ABCG1: variants seen among roughly 807,000 people sequenced by gnomAD.
The protein encoded by ABCG1 is ATP binding cassette subfamily G member 1.
Under a neutral mutation model 69.2 loss-of-function variants are expected in ABCG1, and 29 were observed. The observed-to-expected ratio is 0.42, with a 90% CI of 0.31 to 0.57. The LOEUF is 0.57. Ranked by LOEUF, ABCG1 falls within the 20% of genes least tolerant of loss-of-function variation. The pLI is 0.15. For synonymous variants in ABCG1, 370 were observed against 374.8 expected (o/e 0.99, Z 0.15); for missense variants, 718 against 898.1 (o/e 0.80, Z 2.56).
intron 2 of ABCG1, among the ~76,000 whole-genome samples, chr21:42,249,778 G>A (rs1002554416): frequency 2.0e-5 from 3 of 152,166 alleles, no homozygotes; most frequent in Admixed American, 2.0e-4. Flanking sequence ...GGCTGAGGCA[G>A]GCAGATCACC....
intron 2 of ABCG1, among the ~76,000 whole-genome samples, chr21:42,253,785 G>A (rs1264666013): frequency 6.6e-6 from 1 of 152,134 alleles, no homozygotes; most frequent in African/African-American, 2.4e-5. Context: ...TTATTGTTGG[G>A]ATTATAGGGA....
chr21:42,256,448 G>A (rs750180715), intron 2 of ABCG1: 181 of 1,549,222 alleles, frequency 1.2e-4, no homozygotes, highest in Middle Eastern at 1.7e-4. Context: ...TCCAGAGGCC[G>A]CAGAGTATCC....
chr21:42,287,886 C>A lies in ABCG1; in HGVS notation c.974-3C>A, dbSNP rs758346929. 8 of 1,567,256 alleles carry A rather than the reference C, an allele frequency of 5.1e-6. No individual in the cohort carries two copies. The highest frequency in any genetic ancestry group is 6.9e-6 in the Non-Finnish European group (8 of 1,153,962). On this transcript the variant is annotated splice_region_variant and splice_polypyrimidine_tract_variant and intron_variant, in intron 8 of 14. Coordinates refer to ENST00000398449, the MANE Select transcript of ABCG1 (RefSeq NM_016818.3). The surrounding 1 kb of genome is among the most constrained non-coding windows in gnomAD (Gnocchi z 6.2). ...GGCTGACCCCCGTCTGTGTCTCCTGCAGTCATGGAGGTTGCATCCGGCGAG... is the reference window on the plus strand; with the variant it reads ...GGCTGACCCCCGTCTGTGTCTCCTGAAGTCATGGAGGTTGCATCCGGCGAG...
At chr21:42,233,636 C>A (rs1487972929) in intron 2 of ABCG1, among the ~76,000 whole-genome samples, 1 of 152,218 alleles carries the variant, frequency 6.6e-6, no homozygotes, top group Admixed American at 6.5e-5. Flanking sequence ...AAGTACAGAA[C>A]AATAACCAAA....
At chr21:42,266,465 G>C (rs2068507485) in intron 2 of ABCG1, among the ~76,000 whole-genome samples, 1 of 152,142 alleles carries the variant, frequency 6.6e-6, no homozygotes. Context: ...TCTCTCCCAA[G>C]TATGCATCAT....
At position 42,291,333 on chromosome 21, in the gene ABCG1, C is replaced by A; in HGVS notation, c.1494+141C>A. 1 of 1,189,122 alleles carries A rather than the reference C, an allele frequency of 8.4e-7. No individual in the cohort carries two copies. Among genetic ancestry groups the A allele is most frequent in the Non-Finnish European group, 1.2e-6 (1 of 836,728 alleles). 73.7% of individuals were successfully genotyped at this position (1,189,122 alleles called of 1,614,324 possible). On this transcript the variant is annotated intron_variant, in intron 12 of 14. Coordinates refer to ENST00000398449, the MANE Select transcript of ABCG1 (RefSeq NM_016818.3). The surrounding 1 kb of genome is among the most constrained non-coding windows in gnomAD (Gnocchi z 6.4). ...CTCTGGTGGGAGCTGCGGGGAAGGG[C>A]CTGACTTCGGGAGCTGTGGCGGGAG... is the stretch of plus-strand genomic sequence containing the variant.
chr21:42,268,241 AGGGGT>A (rs2068549458), intron 2 of ABCG1, among the ~76,000 whole-genome samples: 1 of 152,120 alleles, frequency 6.6e-6, no homozygotes, highest in Non-Finnish European at 1.5e-5. Flanking sequence ...AGCAGAGCTC[AGGGGT>A]GGGAAAGTAG....
intron 4 of ABCG1, among the ~76,000 whole-genome samples, chr21:42,275,806 T>C (rs1169442227): frequency 6.6e-6 from 1 of 152,268 alleles, no homozygotes; most frequent in East Asian, 1.9e-4. Flanking sequence ...CTCAAGGTCC[T>C]GTCTCACACG....
chr21:42,201,631 A>G (rs777868655), exon 2 of ABCG1: 1 of 1,586,648 alleles, frequency 6.3e-7, no homozygotes, highest in South Asian at 1.1e-5. Flanking sequence ...CCCCGTGCTC[A>G]GCAGACATCA....
intron 2 of ABCG1, among the ~76,000 whole-genome samples, chr21:42,268,405 T>C (rs55946253): frequency 0.082 from 10,751 of 131,892 alleles, 1,259 homozygotes; most frequent in African/African-American, 0.28. Context: ...GCGCGCTGGA[T>C]ACTCAGGAAA....
intron 1 of ABCG1, among the ~76,000 whole-genome samples, chr21:42,223,091 G>T (rs890083293): frequency 2.6e-5 from 4 of 152,148 alleles, no homozygotes; most frequent in African/African-American, 4.8e-5. Context: ...TGGGGACCTT[G>T]TTTGCCCCTC....
At chr21:42,271,262 C>T (rs1437151991) in intron 3 of ABCG1, 75 bp downstream of exon 3, 1 of 895,620 alleles carries the variant, frequency 1.1e-6, no homozygotes. Flanking sequence ...GAGCTCCTTC[C>T]ATCAGCCCCA....
chr21:42,217,645 C>T (rs544752742), upstream of ABCG1, among the ~76,000 whole-genome samples: 3 of 145,022 alleles, frequency 2.1e-5, no homozygotes, highest in African/African-American at 7.7e-5. Context: ...TTCCTCATTT[C>T]AGCCAAGTGT....
rs563611603 is a variant in ABCG1, at chr21:42,286,853, G to A, written c.973+859G>A. On this transcript the variant is annotated intron_variant, in intron 8 of 14. Coordinates refer to ENST00000398449, the MANE Select transcript of ABCG1 (RefSeq NM_016818.3). ...ATGTCGTCTGACCAGAGAGCGGGAG[G>A]TGAGGGGAGTGTGGCCCACTGTTGA... Among the ~76,000 whole-genome samples the A allele has an allele frequency of 1.2e-4, 19 of 152,332 alleles. 1 individual carries two copies. The South Asian group carries it at 3.7e-3, about 30-fold the overall frequency.
chr21:42,275,423 G>A (rs113415793), intron 4 of ABCG1, among the ~76,000 whole-genome samples: 3,566 of 152,326 alleles, frequency 0.023, 145 homozygotes, highest in African/African-American at 0.081. Context: ...TTGGCGAACA[G>A]ATGCTGCAAA....
At chr21:42,265,389 T>A (rs1381217900) in intron 2 of ABCG1, among the ~76,000 whole-genome samples, 1 of 152,088 alleles carries the variant, frequency 6.6e-6, no homozygotes. Flanking sequence ...TAAGATGAGG[T>A]CATGCTGAAG....
At chr21:42,218,858 G>C (rs1296657354), upstream of ABCG1, among the ~76,000 whole-genome samples, 1 of 152,190 alleles carries the variant, frequency 6.6e-6, no homozygotes, top group Non-Finnish European at 1.5e-5. Flanking sequence ...GAACCCCGGC[G>C]TCTGTCCGGT....
intron 2 of ABCG1, among the ~76,000 whole-genome samples, chr21:42,203,650 G>A (rs1307980103): frequency 1.3e-5 from 2 of 152,124 alleles, no homozygotes; most frequent in Non-Finnish European, 2.9e-5. Flanking sequence ...CTGGATTATT[G>A]TAGCTATAAA....
chr21:42,292,524 A>G (rs898763041), intron 13 of ABCG1, among the ~76,000 whole-genome samples: 3 of 151,994 alleles, frequency 2.0e-5, no homozygotes, highest in African/African-American at 7.3e-5. Context: ...GTCACTAATC[A>G]GACCAGGGCT....
Sources: allele counts gnomAD v4.1 joint callset (sites outside exome capture counted in the v4.1 genomes callset), GRCh38; gene constraint gnomAD v4.1.1; non-coding constraint Gnocchi (gnomAD v3.1); transcripts MANE v1.5; gene names NCBI Gene and HGNC (gene_info 2026-07-23, HGNC 2026-07-21).